The following PDS5B variants were observed in gnomAD, a reference collection of about 807,000 sequenced individuals.
The protein encoded by PDS5B is sister chromatid cohesion protein PDS5 homolog B.
A neutral mutation model predicts 184.1 loss-of-function variants in PDS5B; 51 were observed. The ratio of observed to expected loss-of-function variants is 0.28; its 90% CI spans 0.22 to 0.35. PDS5B has a LOEUF of 0.35. Among genes scored for constraint, PDS5B ranks in the 10% least tolerant of loss-of-function variants. The pLI is 1.00. For synonymous variants in PDS5B, 566 were observed against 569.2 expected, an observed-to-expected ratio of 0.99 and a Z score of 0.08; for missense variants, 1,180 against 1,723.3, an observed-to-expected ratio of 0.68 and a Z score of 5.58.
At chr13:32,723,016 C>T (rs1952770898) in intron 19 of PDS5B, among the ~76,000 whole-genome samples, 1 of 152,144 alleles carries the variant, frequency 6.6e-6, no homozygotes, top group South Asian at 2.1e-4. Context: ...ATGTAAACAG[C>T]CAGCACAGGG....
intron 19 of PDS5B, among the ~76,000 whole-genome samples, chr13:32,720,796 C>T (rs1177038998): frequency 2.6e-5 from 4 of 151,800 alleles, no homozygotes; most frequent in Non-Finnish European, 4.4e-5. Context: ...TGCGGCCTTC[C>T]GCAGTGTTTG....
At chr13:32,611,975 C>T (rs992629604) in intron 1 of PDS5B, among the ~76,000 whole-genome samples, 1 of 151,978 alleles carries the variant, frequency 6.6e-6, no homozygotes, top group Admixed American at 6.6e-5. Context: ...ATTGAATACT[C>T]TCATATTCAG....
chr13:32,733,186 A>G (rs1953184645), intron 20 of PDS5B, among the ~76,000 whole-genome samples: 1 of 152,176 alleles, frequency 6.6e-6, no homozygotes, highest in Admixed American at 6.6e-5. Context: ...TAGTGATGAG[A>G]GAAACACTGA....
At position 32,777,099 on chromosome 13, in the gene PDS5B, G is replaced by A; in HGVS notation, c.*2047G>A. The A allele has an allele frequency of 6.6e-6, 1 of 152,068 alleles. No homozygotes were observed. The highest frequency in any genetic ancestry group is 1.9e-4 in the East Asian group (1 of 5,192). 9.4% of individuals were successfully genotyped at this position (152,068 alleles called of 1,614,324 possible). ...TTGTATTTTTGTCATTGATTAAATTGCACCAGAAATGTTTATGGAAATATT... is the reference window on the plus strand; with the variant it reads ...TTGTATTTTTGTCATTGATTAAATTACACCAGAAATGTTTATGGAAATATT... On this transcript the variant is annotated 3_prime_UTR_variant, in exon 35 of 35. Transcript: ENST00000315596.
At chr13:32,625,772 A>T (rs1417874053) in intron 1 of PDS5B, among the ~76,000 whole-genome samples, 22 of 144,354 alleles carry the variant, frequency 1.5e-4, no homozygotes, top group African/African-American at 4.5e-4. Flanking sequence ...GTGTTGCAAT[A>T]AAAAAAAAAA....
At chr13:32,653,875 G>A (rs1950431860) in intron 3 of PDS5B, among the ~76,000 whole-genome samples, 1 of 152,192 alleles carries the variant, frequency 6.6e-6, no homozygotes, top group South Asian at 2.1e-4. Flanking sequence ...ACTTAAGACT[G>A]CTACTGTACA....
At chr13:32,675,186 A>G (rs1002687348) in intron 8 of PDS5B, among the ~76,000 whole-genome samples, 5 of 152,150 alleles carry the variant, frequency 3.3e-5, no homozygotes, top group African/African-American at 1.2e-4. Context: ...TTTATGTTCA[A>G]GTCTAGTATT....
At chr13:32,719,530 G>A (rs990979427) in intron 19 of PDS5B, among the ~76,000 whole-genome samples, 5 of 151,850 alleles carry the variant, frequency 3.3e-5, no homozygotes, top group African/African-American at 1.2e-4. Context: ...AAAAATCTAT[G>A]TGTTACCCCC....
intron 25 of PDS5B, among the ~76,000 whole-genome samples, chr13:32,755,478 TA>T (rs2141003233): frequency 6.6e-6 from 1 of 152,320 alleles, no homozygotes; most frequent in South Asian, 2.1e-4. Flanking sequence ...GGGTCATTTC[TA>T]ATAGGAAAAA....
At chr13:32,718,018 A>G (rs777784561) in intron 19 of PDS5B, among the ~76,000 whole-genome samples, 84 of 152,108 alleles carry the variant, frequency 5.5e-4, no homozygotes, top group Non-Finnish European at 1.2e-3. Context: ...ATGGCCAAAC[A>G]TGGTTAATTT....
chr13:32,680,693 T>G (rs543894549), intron 10 of PDS5B, among the ~76,000 whole-genome samples: 1 of 152,362 alleles, frequency 6.6e-6, no homozygotes, highest in Admixed American at 6.5e-5. Flanking sequence ...CACCCAGTCC[T>G]TCCTTCTCTT....
At chr13:32,656,550 C>T (rs1950518267) in intron 3 of PDS5B, among the ~76,000 whole-genome samples, 1 of 149,912 alleles carries the variant, frequency 6.7e-6, no homozygotes, top group South Asian at 2.1e-4. Flanking sequence ...AGGTCTTTTA[C>T]CACCTTGGGT....
At chr13:32,716,989 C>T (rs1460520344) in intron 19 of PDS5B, among the ~76,000 whole-genome samples, 3 of 126,682 alleles carry the variant, frequency 2.4e-5, no homozygotes, top group Non-Finnish European at 1.7e-5. Flanking sequence ...GTCCCCCGCC[C>T]GGCCAGCTGC....
chr13:32,620,556 C>T (rs754611287), intron 1 of PDS5B, among the ~76,000 whole-genome samples: 3 of 151,270 alleles, frequency 2.0e-5, no homozygotes, highest in Admixed American at 6.6e-5. Flanking sequence ...ACTTGGCAGG[C>T]TGAGGCGGGA....
intron 1 of PDS5B, 66 bp from the exon 2 acceptor site, chr13:32,648,688 A>G (rs373335660): frequency 1.9e-5 from 13 of 699,058 alleles, no homozygotes; most frequent in African/African-American, 1.4e-4. Context: ...GAAGGTTACC[A>G]TTTATGTTTG....
intron 7 of PDS5B, among the ~76,000 whole-genome samples, chr13:32,673,008 TCA>T (rs1350108529): frequency 6.6e-6 from 1 of 152,250 alleles, no homozygotes; most frequent in Non-Finnish European, 1.5e-5. Context: ...TTGAAATGTT[TCA>T]GTCTGTTTTA....
intron 1 of PDS5B, among the ~76,000 whole-genome samples, chr13:32,625,447 A>C (rs540983724): frequency 6.6e-6 from 1 of 152,268 alleles, no homozygotes; most frequent in African/African-American, 2.4e-5. Context: ...TTAAAAAAAA[A>C]ATTCTTTTGT....
chr13:32,692,591 A>T (rs1413971789), intron 13 of PDS5B, among the ~76,000 whole-genome samples: 1 of 151,622 alleles, frequency 6.6e-6, no homozygotes, highest in Non-Finnish European at 1.5e-5. Flanking sequence ...GGTAACAAGG[A>T]GATTTGTGGG....
intron 26 of PDS5B, among the ~76,000 whole-genome samples, chr13:32,757,860 A>AT: frequency 6.6e-6 from 1 of 151,998 alleles, no homozygotes; most frequent in Non-Finnish European, 1.5e-5. Flanking sequence ...ATCTGGTGAG[A>AT]TTTTAAGAAG....
Sources: gnomAD v4.1 joint callset for allele counts (sites outside exome capture counted in the v4.1 genomes callset) on GRCh38, gnomAD v4.1.1 for gene constraint, MANE v1.5 for transcripts, NCBI Gene and HGNC (gene_info 2026-07-23, HGNC 2026-07-21) for gene names.